MIPEP: variants seen among roughly 807,000 people sequenced by gnomAD.
MIPEP encodes the protein mitochondrial intermediate peptidase.
Under a neutral mutation model 90.3 loss-of-function variants are expected in MIPEP, and 79 were observed. The ratio of observed to expected loss-of-function variants is 0.87; its 90% CI spans 0.73 to 1.05. The LOEUF (loss-of-function observed/expected upper bound fraction) is 1.05. MIPEP is among the 50% of genes least tolerant of loss of function. The pLI is 0.00. For synonymous variants in MIPEP, 334 were observed against 315.8 expected, an observed-to-expected ratio of 1.06 and a Z score of -0.61; for missense variants, 940 against 905.6, an observed-to-expected ratio of 1.04 and a Z score of -0.49.
intron 14 of MIPEP, among the ~76,000 whole-genome samples, chr13:23,819,154 G>A (rs571229159): frequency 6.6e-6 from 1 of 152,106 alleles, no homozygotes; most frequent in Admixed American, 6.5e-5. Flanking sequence ...AAAATTATGG[G>A]AGGCCATTGT....
intron 10 of MIPEP, among the ~76,000 whole-genome samples, chr13:23,855,615 T>C (rs1248016469): frequency 6.6e-6 from 1 of 152,214 alleles, no homozygotes; most frequent in Non-Finnish European, 1.5e-5. Flanking sequence ...TCCTTTCTTT[T>C]CTCATCCATT....
chr13:23,779,172 G>C (rs1478432054), intron 16 of MIPEP, among the ~76,000 whole-genome samples: 2 of 152,198 alleles, frequency 1.3e-5, no homozygotes, highest in African/African-American at 2.4e-5. Flanking sequence ...GCAACAGTTT[G>C]AAAGTTCAAG....
chr13:23,767,551 A>G (rs1447668969), intron 16 of MIPEP, among the ~76,000 whole-genome samples: 1 of 151,820 alleles, frequency 6.6e-6, no homozygotes, highest in Non-Finnish European at 1.5e-5. Context: ...TCCCAGGTTC[A>G]AGCGATTCTC....
chr13:23,867,485 CT>C (rs915821846), intron 7 of MIPEP, among the ~76,000 whole-genome samples: 4 of 152,172 alleles, frequency 2.6e-5, no homozygotes, highest in African/African-American at 9.7e-5. Context: ...ATCCCCTTCC[CT>C]GTTCAGTTTT....
chr13:23,888,299 T>C (rs1437922665), intron 1 of MIPEP, among the ~76,000 whole-genome samples: 1 of 152,110 alleles, frequency 6.6e-6, no homozygotes, highest in Admixed American at 6.5e-5. Context: ...ACAAAACTGA[T>C]AATGGAGATA....
intron 16 of MIPEP, among the ~76,000 whole-genome samples, chr13:23,804,692 A>C (rs749589630): frequency 1.3e-5 from 2 of 152,220 alleles, no homozygotes; most frequent in Non-Finnish European, 2.9e-5. Context: ...CTGTTGCTTC[A>C]CTTGTCTGGT....
chr13:23,843,894 A>G (rs1869417653), intron 10 of MIPEP, among the ~76,000 whole-genome samples: 1 of 152,342 alleles, frequency 6.6e-6, no homozygotes, highest in Non-Finnish European at 1.5e-5. Flanking sequence ...GCTTGGACAA[A>G]TAAGTGGATG....
intron 18 of MIPEP, among the ~76,000 whole-genome samples, chr13:23,733,280 T>C (rs982007484): frequency 2.0e-5 from 2 of 98,638 alleles, no homozygotes; most frequent in South Asian, 6.0e-4. Flanking sequence ...ACTTAACAGA[T>C]TGGGCCTTTT....
chr13:23,763,433 A>T (rs1368509539), intron 16 of MIPEP, among the ~76,000 whole-genome samples: 3 of 152,212 alleles, frequency 2.0e-5, no homozygotes, highest in Non-Finnish European at 4.4e-5. Context: ...CATTTTCTTC[A>T]TGGTGATTTG....
chr13:23,803,308 A>G (rs901291676), intron 16 of MIPEP, among the ~76,000 whole-genome samples: 1 of 152,156 alleles, frequency 6.6e-6, no homozygotes, highest in Non-Finnish European at 1.5e-5. Flanking sequence ...GGTTGCAGTG[A>G]GCCAATACTG....
chr13:23,858,133 T>C (rs943059), intron 10 of MIPEP, among the ~76,000 whole-genome samples: 142,613 of 152,140 alleles, frequency 0.94, 66,865 homozygotes, highest in East Asian at 1. Context: ...TTTTTAAAAA[T>C]TCCTATTGGG....
chr13:23,855,712 T>C (rs763792078), intron 10 of MIPEP, among the ~76,000 whole-genome samples: 1 of 152,352 alleles, frequency 6.6e-6, no homozygotes, highest in Non-Finnish European at 1.5e-5. Flanking sequence ...TTAAAATAGA[T>C]TTTTAAAACC....
In MIPEP at chr13:23,733,360, G is replaced by A. The variant is rs181030282; in HGVS notation, c.2045-2915C>T. ...CACAATGTATGCTGACCAAGAAGTG[G>A]TCTGGCGGGTAGAGTAAGGCTGGAA... On this transcript the variant is annotated intron_variant, in intron 18 of 18. Transcript: ENST00000382172. 3.3e-3 allele frequency among the ~76,000 whole-genome samples: 502 copies of A among 152,286 alleles called. 1 individual carries two copies. The highest frequency in any genetic ancestry group is 5.3e-3 in the Non-Finnish European group (358 of 68,018).
intron 7 of MIPEP, 84 bp downstream of exon 7, chr13:23,869,208 C>T: frequency 1.6e-6 from 2 of 1,234,192 alleles, no homozygotes; most frequent in Non-Finnish European, 2.2e-6. Context: ...AAAAATAGAA[C>T]ACTAATTTAC....
At chr13:23,795,435 T>G (rs1463178404) in intron 16 of MIPEP, among the ~76,000 whole-genome samples, 1 of 152,178 alleles carries the variant, frequency 6.6e-6, no homozygotes, top group East Asian at 1.9e-4. Flanking sequence ...AACCCTAAGA[T>G]TTCTGTATAA....
chr13:23,770,607 CT>C, intron 16 of MIPEP, among the ~76,000 whole-genome samples: 1 of 152,122 alleles, frequency 6.6e-6, no homozygotes, highest in East Asian at 1.9e-4. Flanking sequence ...CCAGCTTGGC[CT>C]CCCCCAGGTG....
chr13:23,810,072 TAGTTGGCAAGAC>T (rs1350699391), intron 14 of MIPEP, 148 bp from the exon 15 acceptor site: 12 of 515,754 alleles, frequency 2.3e-5, no homozygotes, highest in Non-Finnish European at 3.7e-5. Flanking sequence ...TTAAATATTT[TAGTTGGCAAGAC>T]AACATGAATA....
At chr13:23,798,509 T>C (rs1283905331) in intron 16 of MIPEP, among the ~76,000 whole-genome samples, 1 of 152,154 alleles carries the variant, frequency 6.6e-6, no homozygotes, top group Non-Finnish European at 1.5e-5. Flanking sequence ...AACCAATGTT[T>C]ATAGATTATA....
chr13:23,874,561 G>A (rs1407863692), intron 5 of MIPEP, among the ~76,000 whole-genome samples: 2 of 152,170 alleles, frequency 1.3e-5, no homozygotes. Context: ...TCACTTGCCA[G>A]TCTTTCCTGA....
Sources: allele counts gnomAD v4.1 joint callset (sites outside exome capture counted in the v4.1 genomes callset), GRCh38; gene constraint gnomAD v4.1.1; transcripts MANE v1.5; gene names NCBI Gene and HGNC (gene_info 2026-07-23, HGNC 2026-07-21).